The following DEUP1 variants were observed in gnomAD, a reference collection of about 807,000 sequenced individuals.
DEUP1 encodes the protein deuterosome assembly protein 1.
Under a neutral mutation model 87.4 loss-of-function variants are expected in DEUP1, and 82 were observed. The ratio of observed to expected loss-of-function variants is 0.94; its 90% CI spans 0.78 to 1.13. The LOEUF (loss-of-function observed/expected upper bound fraction) is 1.13. DEUP1 is among the 50% of genes most tolerant of loss of function. The pLI, the probability that DEUP1 is intolerant of heterozygous loss-of-function variation, is 0.00. For missense variants in DEUP1, 663 were observed against 681.5 expected (o/e 0.97, Z 0.30); for synonymous variants, 214 against 222.7 (o/e 0.96, Z 0.35).
At chr11:93,341,814 T>TAGAA in intron 2 of DEUP1, among the ~76,000 whole-genome samples, 1 of 152,198 alleles carries the variant, frequency 6.6e-6, no homozygotes, top group East Asian at 1.9e-4. Flanking sequence ...CTCACAGTTC[T>TAGAA]AGAGGCCAGA....
chr11:93,330,635 G>A (rs1428466595), upstream of DEUP1: 1 of 152,828 alleles, frequency 6.5e-6, no homozygotes, highest in Non-Finnish European at 1.5e-5. Flanking sequence ...CGTTGGTCGC[G>A]CGGCGGGAGG....
chr11:93,380,371 C>T (rs1427882897), intron 7 of DEUP1, among the ~76,000 whole-genome samples: 1 of 151,536 alleles, frequency 6.6e-6, no homozygotes, highest in Non-Finnish European at 1.5e-5. Context: ...AAATTTCATC[C>T]TGCTCTGTTT....
intron 3 of DEUP1, among the ~76,000 whole-genome samples, chr11:93,356,285 T>TGGCATAGTTAACTATATTATTG (rs1944890940): frequency 2.9e-5 from 1 of 34,446 alleles, no homozygotes; most frequent in Non-Finnish European, 6.1e-5. Flanking sequence ...GAACTTAGTT[T>TGGCATAGTTAACTATATTATTG]TTTGGCATAG....
At chr11:93,351,500 T>A (rs1488924511) in intron 2 of DEUP1, among the ~76,000 whole-genome samples, 2 of 152,112 alleles carry the variant, frequency 1.3e-5, no homozygotes, top group African/African-American at 4.8e-5. Flanking sequence ...TTCTTCAGAG[T>A]GGAAAAAATA....
chr11:93,390,606 T>C (rs893092750), intron 9 of DEUP1, among the ~76,000 whole-genome samples: 1 of 152,198 alleles, frequency 6.6e-6, no homozygotes, highest in East Asian at 1.9e-4. Context: ...AGTTACATGA[T>C]TCTTAACCTC....
chr11:93,340,195 AT>A (rs1327134873), intron 2 of DEUP1, among the ~76,000 whole-genome samples: 1 of 152,094 alleles, frequency 6.6e-6, no homozygotes, highest in Non-Finnish European at 1.5e-5. Context: ...AAGTAAGCAG[AT>A]TATGAGAATA....
chr11:93,360,847 G>A (rs1945137441), intron 4 of DEUP1, among the ~76,000 whole-genome samples: 1 of 136,542 alleles, frequency 7.3e-6, no homozygotes, highest in African/African-American at 2.8e-5. Flanking sequence ...AGAGGAGAAA[G>A]ATGGGGAGGG....
chr11:93,366,014 C>T (rs1945398305), intron 5 of DEUP1, among the ~76,000 whole-genome samples: 1 of 152,166 alleles, frequency 6.6e-6, no homozygotes, highest in South Asian at 2.1e-4. Context: ...AAGTTGTTTG[C>T]CTCACCAAGA....
rs1182130134 is a variant in DEUP1 at position 93,435,724 on chromosome 11, T to C, written c.1639-1819T>C. 2.0e-5 allele frequency among the ~76,000 whole-genome samples: 3 copies of C among 152,268 alleles called. No individual in the cohort carries two copies. In the East Asian group the frequency reaches 5.8e-4, roughly 29 times the overall value. On this transcript the variant is annotated intron_variant, in intron 13 of 13. Coordinates refer to ENST00000298050, the MANE Select transcript of DEUP1 (RefSeq NM_181645.4). ...CACAAAATAATTTTTTCACCAGGCATGGTGGCTCACGCCTGTAATCCCAGC... is the reference window on the plus strand; with the variant it reads ...CACAAAATAATTTTTTCACCAGGCACGGTGGCTCACGCCTGTAATCCCAGC...
intron 10 of DEUP1, 50 bp downstream of exon 10, chr11:93,394,706 T>TATGAGCAAG (rs1372989824): frequency 7.9e-7 from 1 of 1,266,560 alleles, no homozygotes; most frequent in South Asian, 1.5e-5. Context: ...TCTTGCTCAG[T>TATGAGCAAG]GCCAATAGTA....
chr11:93,375,491 A>G (rs768536083), intron 7 of DEUP1, among the ~76,000 whole-genome samples: 12 of 152,130 alleles, frequency 7.9e-5, no homozygotes, highest in Non-Finnish European at 1.2e-4. Context: ...TTTTAATCAT[A>G]AAAGGATGCT....
At chr11:93,355,575 T>A (rs1036505201) in intron 3 of DEUP1, 33 bp downstream of exon 3, 4 of 1,568,246 alleles carry the variant, frequency 2.6e-6, no homozygotes, top group African/African-American at 1.4e-5. Context: ...AATTGCTAAT[T>A]CATCAGACTG....
intron 13 of DEUP1, among the ~76,000 whole-genome samples, chr11:93,419,028 G>T (rs914107250): frequency 6.7e-6 from 1 of 149,608 alleles, no homozygotes; most frequent in Admixed American, 6.7e-5. Context: ...TCTGGGGACT[G>T]TTGTGGGGTG....
intron 9 of DEUP1, among the ~76,000 whole-genome samples, chr11:93,390,205 G>A (rs1338646808): frequency 3.9e-5 from 6 of 152,348 alleles, no homozygotes; most frequent in East Asian, 3.9e-4. Flanking sequence ...TTGACACACA[G>A]TAAATTAAAT....
chr11:93,375,527 G>A (rs1945996471), intron 7 of DEUP1, among the ~76,000 whole-genome samples: 1 of 152,050 alleles, frequency 6.6e-6, no homozygotes, highest in Non-Finnish European at 1.5e-5. Flanking sequence ...ATTTTTCTGT[G>A]TCTATTGAGA....
Position 93,340,288 on chromosome 11 carries a change from G to A in DEUP1, c.29+8000G>A, listed in dbSNP as rs140242011. On this transcript the variant is annotated intron_variant, in intron 2 of 13. Coordinates refer to ENST00000298050, the MANE Select transcript of DEUP1 (RefSeq NM_181645.4). ...GAGAGATGTAGACATCTGGATATCT[G>A]GGGGAATGGCATTCCAGGCAGAGGA... is the stretch of plus-strand genomic sequence containing the variant. Among the ~76,000 whole-genome samples, 57 of 152,294 alleles carry A rather than the reference G, an allele frequency of 3.7e-4. No homozygotes were observed. The East Asian group carries it at 7.7e-3, about 21-fold the overall frequency.
chr11:93,358,224 T>C (rs1488406190), intron 4 of DEUP1, among the ~76,000 whole-genome samples: 1 of 152,200 alleles, frequency 6.6e-6, no homozygotes, highest in Non-Finnish European at 1.5e-5. Flanking sequence ...TATGTTTTCA[T>C]CGTGTTAAAA....
At chr11:93,335,615 AT>A (rs1326948794) in intron 2 of DEUP1, among the ~76,000 whole-genome samples, 2 of 152,234 alleles carry the variant, frequency 1.3e-5, no homozygotes, top group Non-Finnish European at 2.9e-5. Context: ...TCTTCTCAGC[AT>A]ATTATATGAT....
In DEUP1 at chr11:93,385,477, G is replaced by T. The variant is rs148964852; in HGVS notation, c.869G>T (p.Arg290Leu). Residue 290 changes from arginine to leucine, a missense_variant, in exon 8 of 14, where the codon CGA becomes CTA. Transcript: ENST00000298050. ...CTCTTGAGAATTATAGAAATGGAAC[G>T]ATTGCAATTACACAGAGAATTATTA... Reference protein sequence around the residue: ...DDLLRIIEMERLQLHRELLKI... With the variant: ...DDLLRIIEMELLQLHRELLKI... 39 of 1,611,570 alleles carry T rather than the reference G, an allele frequency of 2.4e-5. No individual in the cohort carries two copies. The highest frequency in any genetic ancestry group is 1.7e-4 in the Middle Eastern group (1 of 6,058).
Sources: allele counts gnomAD v4.1 joint callset (sites outside exome capture counted in the v4.1 genomes callset), GRCh38; gene constraint gnomAD v4.1.1; transcripts MANE v1.5; gene names NCBI Gene and HGNC (gene_info 2026-07-23, HGNC 2026-07-21).